The following REPS2 variants were observed in gnomAD, a reference collection of about 807,000 sequenced individuals.
The protein encoded by REPS2 is ralBP1-associated Eps domain-containing protein 2.
Under a neutral mutation model 53.6 loss-of-function variants are expected in REPS2, and 23 were observed. The observed-to-expected ratio is 0.43, with a 90% confidence interval of 0.31 to 0.61. REPS2 has a LOEUF of 0.61. Among genes scored for constraint, REPS2 ranks in the 20% least tolerant of loss-of-function variants. The pLI, the probability that REPS2 is intolerant of heterozygous loss-of-function variation, is 0.11. For missense variants in REPS2, 446 were observed against 534.9 expected (o/e 0.83, Z 1.64); for synonymous variants, 238 against 218.6 (o/e 1.09, Z -0.78).
rs181282465 is a variant in REPS2 at position 17,068,425 on chromosome X, T to C, written c.1233T>C (p.Ala411=). The change falls in exon 10 of 18, where the codon GCT becomes GCC. Residue 411 remains alanine (A), a synonymous_variant. Transcript: ENST00000357277. The part of the protein sequence containing the change: ...RMEKTSVKDM[A]DLPVPNQDVT... Reference sequence around the variant, plus strand: ...AGAAGACATCTGTTAAAGACATGGCTGACCTTCCTGTCCCTAACCAGGATG... The same window carrying C: ...AGAAGACATCTGTTAAAGACATGGCCGACCTTCCTGTCCCTAACCAGGATG... The C allele has an allele frequency of 3.7e-4, 442 of 1,205,514 alleles. No homozygotes were observed. The highest frequency in any genetic ancestry group is 1.3e-3 in the Admixed American group (60 of 45,810).
intron 14 of REPS2, among the ~76,000 whole-genome samples, chrX:17,126,109 C>T (rs767835028): frequency 1.8e-5 from 2 of 112,384 alleles, no homozygotes; most frequent in South Asian, 7.5e-4. Flanking sequence ...TTATAATTAA[C>T]TATTTTTATT....
At chrX:17,180,152 G>A in the REPS2 span, among the ~76,000 whole-genome samples, 1 of 111,529 alleles carries the variant, frequency 9.0e-6, no homozygotes, top group Non-Finnish European at 1.9e-5. Flanking sequence ...AATCATGGTC[G>A]CAGTGGTGAT....
In REPS2 at chrX:17,115,136, G is replaced by T. The variant is rs184171029; in HGVS notation, c.1578+11357G>T. 7.8e-3 allele frequency among the ~76,000 whole-genome samples: 857 copies of T among 110,560 alleles called. 9 individuals carry two copies. The highest frequency in any genetic ancestry group is 0.027 in the African/African-American group (830 of 30,606). On this transcript the variant is annotated intron_variant, in intron 14 of 17. Transcript: ENST00000357277. ...AAATAAGGGGGCCCAGGGGACCAGC[G>T]TTCAGCATATGGAGGATCCTGCCAG...
chrX:17,062,585 T>G, intron 9 of REPS2, 53 bp downstream of exon 9: 1 of 878,244 alleles, frequency 1.1e-6, no homozygotes, highest in Non-Finnish European at 1.6e-6. Context: ...GCTAAATCCA[T>G]TGGCCTATGT....
intron 13 of REPS2, among the ~76,000 whole-genome samples, chrX:17,084,304 T>G (rs1372746677): frequency 8.9e-6 from 1 of 112,226 alleles, no homozygotes; most frequent in Non-Finnish European, 1.9e-5. Flanking sequence ...AAACCACATT[T>G]TGGATATTTG....
At chrX:17,114,514 A>T (rs994486516) in intron 14 of REPS2, among the ~76,000 whole-genome samples, 1 of 111,543 alleles carries the variant, frequency 9.0e-6, no homozygotes, top group Non-Finnish European at 1.9e-5. Flanking sequence ...TGGGGAAGTT[A>T]TGCAGTTTTT....
intron 1 of REPS2, among the ~76,000 whole-genome samples, chrX:16,947,373 G>A (rs1368419753): frequency 8.9e-6 from 1 of 112,024 alleles, no homozygotes; most frequent in Non-Finnish European, 1.9e-5. Flanking sequence ...CCTTCCCTGA[G>A]ACAGTCTGAC....
At chrX:17,143,161 A>G (rs7884563) in intron 17 of REPS2, among the ~76,000 whole-genome samples, 2,114 of 111,912 alleles carry the variant, frequency 0.019, 48 homozygotes, top group African/African-American at 0.064. Context: ...GGGGTTATGC[A>G]TGAGATGAGA....
chrX:16,956,926 A>G (rs1196117474), intron 1 of REPS2, among the ~76,000 whole-genome samples: 2 of 112,572 alleles, frequency 1.8e-5, no homozygotes, highest in African/African-American at 6.5e-5. Flanking sequence ...ATTCAGAACC[A>G]GGAGAGGCCA....
At chrX:16,967,498 A>T (rs2060784983) in intron 1 of REPS2, among the ~76,000 whole-genome samples, 1 of 110,291 alleles carries the variant, frequency 9.1e-6, no homozygotes, top group African/African-American at 3.3e-5. Context: ...ACACAGTGAG[A>T]CCTAGCTCTG....
Position 16,951,533 on chromosome X carries a change from ACACACACACACACACACACACACACAC to A in REPS2, c.273+4401_273+4427del, listed in dbSNP as rs1382028442. On this transcript the variant is annotated intron_variant, in intron 1 of 17. Coordinates refer to ENST00000357277, the MANE Select transcript of REPS2 (RefSeq NM_004726.3). Reference sequence around the variant, plus strand: ...CACACACACACACACACACACACACACACACACACACACACACACACACACACCCCCGCTACCTACCTCTCTCTGGGG... The same window carrying A: ...CACACACACACACACACACACACACACCCCGCTACCTACCTCTCTCTGGGG... Among the ~76,000 whole-genome samples, 6 of 51,819 alleles carry A rather than the reference ACACACACACACACACACACACACACAC, an allele frequency of 1.2e-4. 1 individual carries two copies. In the East Asian group the frequency reaches 6.8e-3, roughly 59 times the overall value. 45.0% of individuals were successfully genotyped at this position (51,819 alleles called of 115,157 possible). A position where few individuals can be genotyped will look rare whatever the true frequency, so the allele number is the denominator to read the frequency against.
intron 13 of REPS2, among the ~76,000 whole-genome samples, chrX:17,093,176 AT>A (rs1418725519): frequency 9.2e-5 from 1 of 10,865 alleles, no homozygotes; most frequent in Non-Finnish European, 1.6e-4. Flanking sequence ...CTATATATAT[AT>A]ATATATATAT....
chrX:17,147,364 G>T, intron 17 of REPS2, 49 bp from the exon 18 acceptor site: 1 of 1,028,292 alleles, frequency 9.7e-7, no homozygotes, highest in Non-Finnish European at 1.4e-6. Flanking sequence ...ATGAATTCAA[G>T]AAATGACCCC....
intron 4 of REPS2, among the ~76,000 whole-genome samples, chrX:17,028,376 A>G (rs756085928): frequency 3.6e-5 from 4 of 112,630 alleles, no homozygotes; most frequent in Non-Finnish European, 3.8e-5. Context: ...TTCTCAGAAG[A>G]CAATGGTGGC....
the REPS2 span, among the ~76,000 whole-genome samples, chrX:17,176,312 C>T: frequency 9.0e-6 from 1 of 111,503 alleles, no homozygotes; most frequent in Admixed American, 9.5e-5. Flanking sequence ...GCTTTTAATA[C>T]AGATTTACCC....
intron 1 of REPS2, among the ~76,000 whole-genome samples, chrX:16,964,776 C>T (rs990892571): frequency 2.4e-5 from 2 of 83,240 alleles, no homozygotes; most frequent in Non-Finnish European, 2.4e-5. Flanking sequence ...GGCGGCTGGC[C>T]GGGCGGGGGG....
intron 9 of REPS2, among the ~76,000 whole-genome samples, chrX:17,063,687 AAG>A (rs2062187603): frequency 9.0e-6 from 1 of 111,569 alleles, no homozygotes; most frequent in Admixed American, 9.6e-5. Context: ...GCTTATGACA[AAG>A]AGAGAGATAA....
chrX:17,094,535 A>G (rs1373015062), intron 13 of REPS2, among the ~76,000 whole-genome samples: 2 of 111,463 alleles, frequency 1.8e-5, no homozygotes, highest in Non-Finnish European at 3.8e-5. Flanking sequence ...TTAATTGATT[A>G]TTTTTCCTGC....
intron 14 of REPS2, among the ~76,000 whole-genome samples, chrX:17,121,262 C>T (rs1288489366): frequency 8.9e-6 from 1 of 112,266 alleles, no homozygotes; most frequent in Non-Finnish European, 1.9e-5. Flanking sequence ...CCTAAATACC[C>T]TGCTCTGCCC....
Sources: gnomAD v4.1 joint callset for allele counts (sites outside exome capture counted in the v4.1 genomes callset) on GRCh38, gnomAD v4.1.1 for gene constraint, MANE v1.5 for transcripts, NCBI Gene and HGNC (gene_info 2026-07-23, HGNC 2026-07-21) for gene names.